The following CCDC171 variants were observed in gnomAD, a reference collection of about 807,000 sequenced individuals.
CCDC171 encodes coiled-coil domain-containing protein 171.
CCDC171 carries 177 observed loss-of-function variants against 168.2 expected under a neutral mutation model. The ratio of observed to expected loss-of-function variants is 1.05; its 90% CI spans 0.93 to 1.19. The LOEUF is 1.19. CCDC171 is among the 50% of genes most tolerant of loss of function. CCDC171 has a pLI of 0.00. For missense variants in CCDC171, 1,991 were observed against 1,539.0 expected, an observed-to-expected ratio of 1.29 and a Z score of -4.91; for synonymous variants, 687 against 540.8, an observed-to-expected ratio of 1.27 and a Z score of -3.75.
the CCDC171 span, among the ~76,000 whole-genome samples, chr9:16,088,976 G>C: frequency 6.6e-6 from 1 of 152,176 alleles, no homozygotes; most frequent in Non-Finnish European, 1.5e-5. Context: ...CAAGGCTACA[G>C]TAACCAAAAC....
At chr9:15,970,472 G>T (rs1831240748) in intron 25 of CCDC171, among the ~76,000 whole-genome samples, 1 of 151,520 alleles carries the variant, frequency 6.6e-6, no homozygotes, top group Non-Finnish European at 1.5e-5. Context: ...TGTTATTTCA[G>T]CAACATTTAT....
chr9:15,685,553 T>G (rs2050334495), intron 10 of CCDC171, among the ~76,000 whole-genome samples: 1 of 152,000 alleles, frequency 6.6e-6, no homozygotes, highest in Non-Finnish European at 1.5e-5. Flanking sequence ...GAGGATCACT[T>G]GAGTCTGGGA....
At chr9:15,872,525 A>G (rs981657790) in intron 23 of CCDC171, among the ~76,000 whole-genome samples, 4 of 151,950 alleles carry the variant, frequency 2.6e-5, no homozygotes, top group Non-Finnish European at 5.9e-5. Flanking sequence ...CGTATTAGCA[A>G]TCTGCTTTTG....
At chr9:16,092,190 C>A in the CCDC171 span, among the ~76,000 whole-genome samples, 3 of 152,236 alleles carry the variant, frequency 2.0e-5, no homozygotes, top group Non-Finnish European at 4.4e-5. Flanking sequence ...TTCCTTCATT[C>A]CCTAAAGCCT....
chr9:15,929,735 A>T (rs1361764143), intron 25 of CCDC171, among the ~76,000 whole-genome samples: 1 of 151,780 alleles, frequency 6.6e-6, no homozygotes, highest in African/African-American at 2.4e-5. Flanking sequence ...CTGCCTTATT[A>T]GTGCCAGAGT....
rs187702733 is a variant in CCDC171, at chr9:15,869,162, G to A, written c.3469-5370G>A. Among the ~76,000 whole-genome samples the A allele has an allele frequency of 1.3e-3, 204 of 152,044 alleles. 1 individual carries two copies. The highest frequency in any genetic ancestry group is 5.4e-3 in the Admixed American group (82 of 15,244). ...TGGATATGGAACCCACAAATATGGG[G>A]GGCCAACTGAACTTTGAAAAGTATG... On this transcript the variant is annotated intron_variant, in intron 23 of 25. Coordinates refer to ENST00000380701, the MANE Select transcript of CCDC171 (RefSeq NM_173550.4).
chr9:15,858,796 G>A (rs1402758827), intron 23 of CCDC171, among the ~76,000 whole-genome samples: 1 of 151,952 alleles, frequency 6.6e-6, no homozygotes. Context: ...CTATTCTAAA[G>A]GGGTTTCTAT....
chr9:15,829,612 A>G (rs760408627), intron 21 of CCDC171, among the ~76,000 whole-genome samples: 1 of 152,146 alleles, frequency 6.6e-6, no homozygotes, highest in Non-Finnish European at 1.5e-5. Context: ...AGAGATTCAT[A>G]TTATATATGC....
chr9:15,636,152 A>G (rs376182707), intron 7 of CCDC171, among the ~76,000 whole-genome samples: 1 of 152,080 alleles, frequency 6.6e-6, no homozygotes, highest in Non-Finnish European at 1.5e-5. Context: ...TATTTGTACT[A>G]TGTATATATA....
chr9:15,998,834 G>A (rs1589311161), intron 3 of CCDC171, among the ~76,000 whole-genome samples: 1 of 152,316 alleles, frequency 6.6e-6, no homozygotes, highest in East Asian at 1.9e-4. Context: ...TGAAGAGAGG[G>A]ACAGTTCTTG....
chr9:15,628,438 T>G (rs1245819574), intron 7 of CCDC171, among the ~76,000 whole-genome samples: 1 of 152,032 alleles, frequency 6.6e-6, no homozygotes, highest in Non-Finnish European at 1.5e-5. Context: ...AGCACAGCAG[T>G]CTGAGATCAA....
At chr9:15,874,368 T>C (rs1431129786) in intron 23 of CCDC171, among the ~76,000 whole-genome samples, 164 bp from the exon 24 acceptor site, 1 of 152,068 alleles carries the variant, frequency 6.6e-6, no homozygotes, top group Non-Finnish European at 1.5e-5. Flanking sequence ...CACTCTGAAT[T>C]AGAGATTTAT....
intron 11 of CCDC171, among the ~76,000 whole-genome samples, chr9:15,714,312 C>A (rs1045837957): frequency 6.6e-6 from 1 of 152,068 alleles, no homozygotes; most frequent in Non-Finnish European, 1.5e-5. Context: ...CTGTAATATC[C>A]CTCACTCTAT....
At chr9:15,642,830 C>A (rs1250042320) in intron 7 of CCDC171, among the ~76,000 whole-genome samples, 1 of 151,956 alleles carries the variant, frequency 6.6e-6, no homozygotes, top group Non-Finnish European at 1.5e-5. Context: ...AAAAACAGAA[C>A]CTCTTTTTGA....
intron 18 of CCDC171, among the ~76,000 whole-genome samples, chr9:15,765,446 G>A (rs1473218962): frequency 1.3e-5 from 2 of 152,172 alleles, no homozygotes; most frequent in African/African-American, 4.8e-5. Flanking sequence ...GGGATCCAAT[G>A]CACAGAAGTG....
chr9:15,857,762 A>G (rs1232876959), intron 23 of CCDC171, among the ~76,000 whole-genome samples: 2 of 151,692 alleles, frequency 1.3e-5, no homozygotes, highest in African/African-American at 2.4e-5. Flanking sequence ...GGTTTTCCCA[A>G]CACTCTTTGT....
rs1169922525 is a variant in CCDC171 at position 15,852,182 on chromosome 9, A to AT, written c.3468+3239dup. On this transcript the variant is annotated intron_variant, in intron 23 of 25. Transcript: ENST00000380701. ...AACTGTTTTCCACAGTTGCTGCACC[A>AT]TTTTAAATCTCCACCATTATGGATA... is the stretch of plus-strand genomic sequence containing the variant. Among the ~76,000 whole-genome samples, 5 of 151,786 alleles carry AT rather than the reference A, an allele frequency of 3.3e-5. No homozygotes were observed. In the Admixed American group the frequency reaches 3.3e-4, roughly 10 times the overall value.
At chr9:15,748,072 G>C (rs777254073) in intron 18 of CCDC171, among the ~76,000 whole-genome samples, 1 of 152,128 alleles carries the variant, frequency 6.6e-6, no homozygotes, top group East Asian at 1.9e-4. Flanking sequence ...TCATGTTGAA[G>C]CTGCCAGGCT....
chr9:15,759,016 A>G (rs2056298239), intron 18 of CCDC171, among the ~76,000 whole-genome samples: 1 of 152,180 alleles, frequency 6.6e-6, no homozygotes, highest in Non-Finnish European at 1.5e-5. Flanking sequence ...ATGTCGCTGC[A>G]AAGGATATGA....
Sources: gnomAD v4.1 joint callset for allele counts (sites outside exome capture counted in the v4.1 genomes callset) on GRCh38, gnomAD v4.1.1 for gene constraint, MANE v1.5 for transcripts, NCBI Gene and HGNC (gene_info 2026-07-23, HGNC 2026-07-21) for gene names.